Variants in GLI1 observed in about 807,000 individuals in gnomAD.
GLI1 encodes the protein GLI family zinc finger 1.
A neutral mutation model predicts 87.8 loss-of-function variants in GLI1; 51 were observed. That is an observed-to-expected ratio of 0.58 (90% CI 0.46 to 0.73). GLI1 has a LOEUF of 0.73. GLI1 is among the 30% of genes least tolerant of loss of function. The probability of loss-of-function intolerance (pLI) is 0.00; values close to 1 mark genes in which losing one functional copy is unlikely to be tolerated. For synonymous variants in GLI1, 528 were observed against 558.2 expected, an observed-to-expected ratio of 0.95 and a Z score of 0.76; for missense variants, 1,292 against 1,437.2, an observed-to-expected ratio of 0.90 and a Z score of 1.63.
intron 5 of GLI1, 112 bp downstream of exon 5, chr12:57,465,367 A>T: frequency 9.8e-7 from 1 of 1,015,406 alleles, no homozygotes; most frequent in Non-Finnish European, 1.4e-6. Context: ...TCAGTACTAG[A>T]AAAGTAAAGA....
At position 57,470,650 on chromosome 12, in the gene GLI1, G is replaced by C; in HGVS notation, c.1910G>C (p.Arg637Pro). Residue 637 changes from arginine (R) to proline (P), a missense_variant, in exon 12 of 12, where the codon CGG becomes CCG. Around this residue, in one of 3 missense-constraint regions of GLI1, gnomAD observed 897 missense variants for 1,040.7 expected, o/e 0.86. Transcript: ENST00000228682. ...PGYNPNAGVT[R>P]RASDPAQAAD... ...TACAACCCCAATGCAGGGGTCACCCGGAGGGCCAGTGACCCAGCCCAGGCT... is the reference window on the plus strand; with the variant it reads ...TACAACCCCAATGCAGGGGTCACCCCGAGGGCCAGTGACCCAGCCCAGGCT... 6.2e-7 allele frequency: 1 copy of C among 1,613,784 alleles called. No homozygotes were observed. The highest frequency in any genetic ancestry group is 1.1e-5 in the South Asian group (1 of 91,082).
rs1321934189 is a variant in GLI1 at position 57,465,910 on chromosome 12, A to C, written c.747A>C (p.Gln249His). Residue 249 changes from glutamine (Q) to histidine (H), a missense_variant, in exon 7 of 12, where the codon CAA becomes CAC. Physicochemically the swap from Gln to His is conservative, Grantham distance 24 (BLOSUM62 0). This residue lies in a region of GLI1 where 383 missense variants were observed against 368.4 expected (regional missense o/e 1.04). Transcript: ENST00000228682. The stretch of plus-strand genomic sequence containing the variant: ...GCTGCAGCCAGGAATTTGACTCCCA[A>C]GAGCAGCTGGTGCACGTGAGCCCCA... ...WDGCSQEFDS[Q>H]EQLVHHINSE... 6.2e-7 allele frequency: 1 copy of C among 1,614,122 alleles called. No individual in the cohort carries two copies. Among genetic ancestry groups the C allele is most frequent in the Non-Finnish European group, 8.5e-7 (1 of 1,179,956 alleles).
intron 5 of GLI1, 128 bp from the exon 6 acceptor site, chr12:57,465,479 G>T (rs1871415014): frequency 2.5e-6 from 2 of 813,802 alleles, no homozygotes; most frequent in South Asian, 3.4e-5. Flanking sequence ...TGAGGAGGAA[G>T]TCCCTTCCAA....
At chr12:57,464,983 C>A in intron 4 of GLI1, 115 bp downstream of exon 4, 1 of 1,217,580 alleles carries the variant, frequency 8.2e-7, no homozygotes, top group Non-Finnish European at 1.2e-6. Context: ...AAAGACAACT[C>A]TCCTCAGTAC....
At chr12:57,465,454 T>C (rs1871413973) in intron 5 of GLI1, 153 bp from the exon 6 acceptor site, 1 of 748,830 alleles carries the variant, frequency 1.3e-6, no homozygotes, top group Non-Finnish European at 2.2e-6. Context: ...GCCCATCCCA[T>C]TCACCAGTGT....
Position 57,467,587 on chromosome 12 carries a change from C to G in GLI1, c.1077+90C>G, listed in dbSNP as rs570549390. On this transcript the variant is annotated intron_variant, in intron 9 of 11. Transcript: ENST00000228682. ...AAGAAATCCCTTAGCCCAGCACCCA[C>G]TCCACAGAGGTGAGTCCCCCTCCCC... 2.2e-5 allele frequency: 25 copies of G among 1,123,280 alleles called. No homozygotes were observed. The African/African-American group carries it at 2.7e-4, about 12-fold the overall frequency. 69.6% of individuals were successfully genotyped at this position (1,123,280 alleles called of 1,614,324 possible). A position where few individuals can be genotyped will look rare whatever the true frequency, so the allele number is the denominator to read the frequency against.
In GLI1 at chr12:57,463,757, C is replaced by T. The variant is rs1209954594; in HGVS notation, c.66C>T (p.Leu22=). The change falls in exon 2 of 12, where the codon CTC becomes CTT. Residue 22 remains leucine, a synonymous_variant. Coordinates refer to ENST00000228682, the MANE Select transcript of GLI1 (RefSeq NM_005269.3). ...GCGAGCCCTGCTGTCTCCGGCCCCT[C>T]CCCAGTCAGGGGGCCCCCAGTGTGG... ...SYGEPCCLRP[L]PSQGAPSVGT... 1 of 1,609,296 alleles carries T rather than the reference C, an allele frequency of 6.2e-7. No homozygotes were observed. The highest frequency in any genetic ancestry group is 1.7e-5 in the Admixed American group (1 of 59,980).
intron 10 of GLI1, among the ~76,000 whole-genome samples, chr12:57,468,493 CTCTT>C (rs1260668462): frequency 1.3e-5 from 2 of 151,826 alleles, no homozygotes; most frequent in Non-Finnish European, 1.5e-5. Context: ...CTCTCTCTCT[CTCTT>C]TCTCTCTTTC....
chr12:57,470,047 C>CAAAA (rs1871764355), intron 11 of GLI1, among the ~76,000 whole-genome samples: 2 of 152,060 alleles, frequency 1.3e-5, no homozygotes, highest in Admixed American at 1.3e-4. Flanking sequence ...CAAAACAAAA[C>CAAAA]AAACAAACAA....
intron 1 of GLI1, among the ~76,000 whole-genome samples, chr12:57,461,582 C>T (rs963081982): frequency 6.6e-6 from 1 of 152,232 alleles, no homozygotes; most frequent in Non-Finnish European, 1.5e-5. Flanking sequence ...CAGTAGTGCC[C>T]CCCTGGGCGC....
In GLI1 at chr12:57,471,314, A is replaced by C; in HGVS notation, c.2574A>C (p.Gln858His). The C allele has an allele frequency of 6.4e-7, 1 of 1,574,444 alleles. No individual in the cohort carries two copies. Among genetic ancestry groups the C allele is most frequent in the Non-Finnish European group, 8.6e-7 (1 of 1,161,682 alleles). The change falls in exon 12 of 12, where the codon CAA becomes CAC. Residue 858 changes from glutamine to histidine, a missense_variant. Coordinates refer to ENST00000228682, the MANE Select transcript of GLI1 (RefSeq NM_005269.3). This position sits in a 1 kb window ranked among gnomAD's most constrained non-coding sequence, Gnocchi z 4.9. ...ATTACCCCCAGCCCTCTCCTCCCCAATATCTCCAGTCAGGCCCCTATACCC... is the reference window on the plus strand; with the variant it reads ...ATTACCCCCAGCCCTCTCCTCCCCACTATCTCCAGTCAGGCCCCTATACCC... ...FSHYPQPSPP[Q>H]YLQSGPYTQP...
rs1871917712 is a variant in GLI1, at chr12:57,471,329, C to A, written c.2589C>A (p.Gly863=). The A allele has an allele frequency of 6.3e-7, 1 of 1,579,940 alleles. No individual in the cohort carries two copies. The highest frequency in any genetic ancestry group is 8.6e-7 in the Non-Finnish European group (1 of 1,162,828). ...CTCCTCCCCAATATCTCCAGTCAGG[C>A]CCCTATACCCAGCCACCCCCTGATT... ...QPSPPQYLQS[G]PYTQPPPDYL... The change falls in exon 12 of 12, where the codon GGC becomes GGA. Residue 863 remains glycine (G), a synonymous_variant. Transcript: ENST00000228682. This position sits in a 1 kb window ranked among gnomAD's most constrained non-coding sequence, Gnocchi z 4.9.
rs746681579 is a variant in GLI1, at chr12:57,465,665, A to T, written c.593A>T (p.Asp198Val). 6.2e-7 allele frequency: 1 copy of T among 1,614,148 alleles called. No homozygotes were observed. Among genetic ancestry groups the T allele is most frequent in the East Asian group, 2.2e-5 (1 of 44,878 alleles). ...TGCCGGGAGGAACCCTTGGAAGGTGATATGTCCAGCCCCAACTCCACAGGC... is the reference window on the plus strand; with the variant it reads ...TGCCGGGAGGAACCCTTGGAAGGTGTTATGTCCAGCCCCAACTCCACAGGC... ...GKCREEPLEG[D>V]MSSPNSTGIQ... is the part of the protein sequence containing the mutation. The change falls in exon 6 of 12, where the codon GAT becomes GTT. Residue 198 changes from aspartate to valine, a missense_variant. Physicochemically the swap from Asp to Val is radical, Grantham distance 152 (BLOSUM62 -3). Coordinates refer to ENST00000228682, the MANE Select transcript of GLI1 (RefSeq NM_005269.3).
Position 57,467,481 on chromosome 12 carries a change from G to A in GLI1, c.1061G>A (p.Arg354Gln). Residue 354 changes from arginine to glutamine, a missense_variant, in exon 9 of 12, where the codon CGG becomes CAG. Arg to Gln is a conservative substitution (Grantham distance 43). Around this residue, in one of 3 missense-constraint regions of GLI1, gnomAD observed 897 missense variants for 1,040.7 expected, o/e 0.86. Transcript: ENST00000228682. ...AGTGACCGAGCCAAGCACCAGAATC[G>A]GACCCATTCCAATGAGGTGAATGCC... Reference protein sequence around the residue: ...NASDRAKHQNRTHSNEKPYVC... With the variant: ...NASDRAKHQNQTHSNEKPYVC... 3.1e-6 allele frequency: 5 copies of A among 1,605,392 alleles called. No individual in the cohort carries two copies. The highest frequency in any genetic ancestry group is 4.3e-6 in the Non-Finnish European group (5 of 1,172,958).
At position 57,470,749 on chromosome 12, in the gene GLI1, C is replaced by G; in HGVS notation, c.2009C>G (p.Ala670Gly). 6.2e-7 allele frequency: 1 copy of G among 1,613,106 alleles called. No homozygotes were observed. The highest frequency in any genetic ancestry group is 8.5e-7 in the Non-Finnish European group (1 of 1,179,530). ...TGTGTCCATACCCCACCCACTGTGG[C>G]AGGGGGAGGACAGAACTTTGATCCT... ...LGCVHTPPTVAGGGQNFDPYL... is the reference protein window; with the variant it reads ...LGCVHTPPTVGGGGQNFDPYL... The change falls in exon 12 of 12, where the codon GCA becomes GGA. Residue 670 changes from alanine (A) to glycine (G), a missense_variant. By Grantham distance (60) the Ala-to-Gly change is moderately conservative. Around this residue, in one of 3 missense-constraint regions of GLI1, gnomAD observed 897 missense variants for 1,040.7 expected, o/e 0.86. Transcript: ENST00000228682.
At chr12:57,461,924 C>T (rs1386074415) in intron 1 of GLI1, among the ~76,000 whole-genome samples, 1 of 152,222 alleles carries the variant, frequency 6.6e-6, no homozygotes, top group African/African-American at 2.4e-5. Context: ...ACTCTCACAC[C>T]CCAGAAAAAC....
intron 9 of GLI1, 110 bp downstream of exon 9, chr12:57,467,607 CT>C: frequency 1.1e-6 from 1 of 904,520 alleles, no homozygotes; most frequent in Non-Finnish European, 1.7e-6. Context: ...GTGAGTCCCC[CT>C]CCCCACATAA....
Position 57,467,441 on chromosome 12 carries a change from G to C in GLI1, c.1021G>C (p.Ala341Pro), listed in dbSNP as rs753096494. 1.4e-5 allele frequency: 22 copies of C among 1,611,670 alleles called. No individual in the cohort carries two copies. The highest frequency in any genetic ancestry group is 1.9e-5 in the Non-Finnish European group (22 of 1,177,924). ...YMCEHEGCSK[A>P]FSNASDRAKH... is the part of the protein sequence containing the mutation. Reference sequence around the variant, plus strand: ...GTGTGAGCACGAGGGCTGCAGTAAAGCCTTCAGCAATGCCAGTGACCGAGC... The same window carrying C: ...GTGTGAGCACGAGGGCTGCAGTAAACCCTTCAGCAATGCCAGTGACCGAGC... Residue 341 changes from alanine to proline, a missense_variant, in exon 9 of 12, where the codon GCC becomes CCC. Ala to Pro is a conservative substitution (Grantham distance 27, BLOSUM62 -1). Coordinates refer to ENST00000228682, the MANE Select transcript of GLI1 (RefSeq NM_005269.3).
intron 3 of GLI1, among the ~76,000 whole-genome samples, chr12:57,464,337 C>T (rs1461670627): frequency 6.6e-6 from 1 of 151,996 alleles, no homozygotes; most frequent in East Asian, 1.9e-4. Context: ...GCCAGGCCAA[C>T]ATGGTGAAAC....
Sources: gnomAD v4.1 joint callset for allele counts (sites outside exome capture counted in the v4.1 genomes callset) on GRCh38, gnomAD v4.1.1 for gene constraint, gnomAD v4.1.1 regional missense constraint, Gnocchi (gnomAD v3.1) non-coding constraint, MANE v1.5 for transcripts, NCBI Gene and HGNC (gene_info 2026-07-23, HGNC 2026-07-21) for gene names.